The following CDIN1 variants were observed in gnomAD, a reference collection of about 807,000 sequenced individuals.
CDIN1 encodes CDAN1-interacting nuclease 1.
A neutral mutation model predicts 45.3 loss-of-function variants in CDIN1; 33 were observed. The observed-to-expected ratio is 0.73, with a 90% CI of 0.55 to 0.97. The LOEUF (loss-of-function observed/expected upper bound fraction) is 0.97. Among genes scored for constraint, CDIN1 ranks in the 50% least tolerant of loss-of-function variants. CDIN1 has a pLI of 0.00. For missense variants in CDIN1, 303 were observed against 339.4 expected (o/e 0.89, Z 0.84); for synonymous variants, 118 against 124.4 (o/e 0.95, Z 0.34).
chr15:36,605,675 G>T (rs1015917738), intron 1 of CDIN1, among the ~76,000 whole-genome samples: 1 of 152,172 alleles, frequency 6.6e-6, no homozygotes, highest in African/African-American at 2.4e-5. Context: ...ATTTACATCA[G>T]TGAAGGCTTT....
intron 10 of CDIN1, among the ~76,000 whole-genome samples, chr15:36,770,408 TA>T (rs953265920): frequency 6.7e-6 from 1 of 149,282 alleles, no homozygotes; most frequent in African/African-American, 2.5e-5. Flanking sequence ...CTTAACTTCT[TA>T]AAAAACACAA....
intron 10 of CDIN1, among the ~76,000 whole-genome samples, chr15:36,710,599 C>G (rs966278906): frequency 6.6e-6 from 1 of 152,156 alleles, no homozygotes; most frequent in Non-Finnish European, 1.5e-5. Flanking sequence ...GCATTTATCT[C>G]TCACTCCCAA....
rs145720722 is a variant in CDIN1, at chr15:36,733,443, T to C, written c.716+23482T>C. Among the ~76,000 whole-genome samples the C allele has an allele frequency of 1.2e-3, 181 of 152,260 alleles. 2 individuals carry two copies. The highest frequency in any genetic ancestry group is 4.0e-3 in the African/African-American group (167 of 41,580). ...TATACATTGATTTGGAGAAAATGTG[T>C]TCTTAATATGAATTTATCATTTACT... On this transcript the variant is annotated intron_variant, in intron 10 of 10. Coordinates refer to ENST00000566621, the MANE Select transcript of CDIN1 (RefSeq NM_001321759.2).
chr15:36,613,371 A>G (rs1036551350), intron 1 of CDIN1: 3 of 854,630 alleles, frequency 3.5e-6, no homozygotes, highest in African/African-American at 1.7e-5. Context: ...TAAAGATAAA[A>G]AAAGGATTCC....
At chr15:36,665,189 T>G (rs1213912446) in intron 5 of CDIN1, among the ~76,000 whole-genome samples, 5 of 152,216 alleles carry the variant, frequency 3.3e-5, no homozygotes, top group African/African-American at 9.6e-5. Flanking sequence ...GAAAATAACT[T>G]ATTTTCACTA....
chr15:36,666,145 T>A (rs16963836), intron 5 of CDIN1, among the ~76,000 whole-genome samples: 29,303 of 151,916 alleles, frequency 0.19, 3,487 homozygotes, highest in Admixed American at 0.32. Flanking sequence ...TTACTTCTTT[T>A]AAAAAAAATC....
chr15:36,759,085 G>T (rs79720609), intron 10 of CDIN1, among the ~76,000 whole-genome samples: 2,445 of 152,202 alleles, frequency 0.016, 62 homozygotes, highest in African/African-American at 0.055. Context: ...GAGGGTTTCA[G>T]TGTTTGTCCA....
chr15:36,692,126 T>G lies in CDIN1; in HGVS notation c.427T>G (p.Cys143Gly), dbSNP rs1278691135. Residue 143 changes from cysteine (C) to glycine (G), a missense_variant and splice_region_variant, in exon 7 of 11, where the codon TGC becomes GGC. Transcript: ENST00000566621. ...DGVLANQVYQCIVNDCCYGPL... is the reference protein window; with the variant it reads ...DGVLANQVYQGIVNDCCYGPL... ...GACCCCTTTTCTTATTTGTCTGCAG[T>G]GCATTGTGAACGACTGCTGTTACGG... The G allele has an allele frequency of 1.9e-6, 3 of 1,613,766 alleles. No individual in the cohort carries two copies. Among genetic ancestry groups the G allele is most frequent in the Admixed American group, 1.7e-5 (1 of 60,004 alleles).
At chr15:36,796,235 CAT>C (rs1422751930) in intron 10 of CDIN1, among the ~76,000 whole-genome samples, 2 of 152,254 alleles carry the variant, frequency 1.3e-5, no homozygotes, top group African/African-American at 4.8e-5. Context: ...CAACAATGAA[CAT>C]ATACAGATTC....
Position 36,605,582 on chromosome 15 carries a change from A to G in CDIN1, c.101+25621A>G, listed in dbSNP as rs548356525. On this transcript the variant is annotated intron_variant, in intron 1 of 10. Coordinates refer to ENST00000566621, the MANE Select transcript of CDIN1 (RefSeq NM_001321759.2). ...AGTGTGACCACCATCCATCACCTCA[A>G]TAGCAGACATCAGATTTGTTCATCA... Among the ~76,000 whole-genome samples, 104 of 152,346 alleles carry G rather than the reference A, an allele frequency of 6.8e-4. 1 individual carries two copies. Among genetic ancestry groups the G allele is most frequent in the Non-Finnish European group, 4.4e-4 (30 of 68,024 alleles).
intron 10 of CDIN1, among the ~76,000 whole-genome samples, chr15:36,793,485 GAAT>G (rs1255969145): frequency 6.6e-6 from 1 of 152,090 alleles, no homozygotes; most frequent in African/African-American, 2.4e-5. Context: ...TGTCCTATCA[GAAT>G]AATGCATTTT....
At chr15:36,722,955 T>TTG (rs5811929) in intron 10 of CDIN1, among the ~76,000 whole-genome samples, 3,960 of 60,574 alleles carry the variant, frequency 0.065, 75 homozygotes, top group South Asian at 0.2. Context: ...TTACATTCAC[T>TTG]TGTGTGTGTG....
At chr15:36,754,566 TA>T (rs5811936) in intron 10 of CDIN1, among the ~76,000 whole-genome samples, 7,678 of 102,462 alleles carry the variant, frequency 0.075, 300 homozygotes, top group African/African-American at 0.17. Context: ...TGGTCTCTCT[TA>T]AAAAAAAAAA....
At chr15:36,580,094 AGGTTGGCG>A in intron 1 of CDIN1, 133 bp downstream of exon 1, 2 of 748,230 alleles carry the variant, frequency 2.7e-6, no homozygotes, top group South Asian at 1.9e-5. Flanking sequence ...TAGGAGGTCG[AGGTTGGCG>A]AAAAAAGGTT....
intron 10 of CDIN1, among the ~76,000 whole-genome samples, chr15:36,753,842 T>G (rs1474427203): frequency 6.6e-6 from 1 of 152,040 alleles, no homozygotes; most frequent in African/African-American, 2.4e-5. Context: ...AGAAAAGGAC[T>G]AAAAAGAACA....
intron 10 of CDIN1, among the ~76,000 whole-genome samples, chr15:36,797,736 T>C (rs1475449343): frequency 6.6e-6 from 1 of 152,098 alleles, no homozygotes; most frequent in Non-Finnish European, 1.5e-5. Flanking sequence ...TCCCAGCACT[T>C]TGGGGGGCCG....
intron 1 of CDIN1, chr15:36,613,572 A>G: frequency 6.7e-7 from 1 of 1,486,626 alleles, no homozygotes; most frequent in Admixed American, 1.7e-5. Context: ...CTCCAGCAAG[A>G]AGTTGAGGGA....
chr15:36,580,588 C>T (rs2036997139), intron 1 of CDIN1, among the ~76,000 whole-genome samples: 2 of 152,256 alleles, frequency 1.3e-5, no homozygotes, highest in East Asian at 1.9e-4. Context: ...CATACTTCCT[C>T]CCCCAAACAC....
chr15:36,726,493 A>C (rs978834824), intron 10 of CDIN1, among the ~76,000 whole-genome samples: 1 of 152,126 alleles, frequency 6.6e-6, no homozygotes, highest in Non-Finnish European at 1.5e-5. Context: ...CTTTCTGTTC[A>C]GGATTTTGTA....
Sources: gnomAD v4.1 joint callset for allele counts (sites outside exome capture counted in the v4.1 genomes callset) on GRCh38, gnomAD v4.1.1 for gene constraint, MANE v1.5 for transcripts, NCBI Gene and HGNC (gene_info 2026-07-23, HGNC 2026-07-21) for gene names.